TTLL5: variants seen among roughly 807,000 people sequenced by gnomAD.
The protein encoded by TTLL5 is tubulin polyglutamylase TTLL5.
Under a neutral mutation model 168.4 loss-of-function variants are expected in TTLL5, and 132 were observed. That is an observed-to-expected ratio of 0.78 (90% CI 0.68 to 0.91). TTLL5 has a LOEUF of 0.91. TTLL5 is among the 40% of genes least tolerant of loss of function. TTLL5 has a pLI of 0.00. For synonymous variants in TTLL5, 546 were observed against 558.6 expected (o/e 0.98, Z 0.32); for missense variants, 1,545 against 1,581.5 (o/e 0.98, Z 0.39).
Position 75,892,274 on chromosome 14 carries a change from A to G in TTLL5, c.3740+9372A>G, listed in dbSNP as rs2032439105. The stretch of plus-strand genomic sequence containing the variant: ...GATGAACATTTAAAGAAGAAAACCT[A>G]CGGGACTTAGCTGTGCTTCAAAACA... On this transcript the variant is annotated intron_variant, in intron 30 of 31. Transcript: ENST00000298832. Among the ~76,000 whole-genome samples the G allele has an allele frequency of 2.6e-5, 4 of 152,224 alleles. No individual in the cohort carries two copies. The South Asian group carries it at 8.3e-4, about 32-fold the overall frequency.
chr14:75,730,840 C>G (rs1888485731), intron 12 of TTLL5, among the ~76,000 whole-genome samples: 1 of 152,056 alleles, frequency 6.6e-6, no homozygotes, highest in Non-Finnish European at 1.5e-5. Flanking sequence ...CTGCCTCAGC[C>G]TCCTGAGTAG....
intron 2 of TTLL5, among the ~76,000 whole-genome samples, chr14:75,668,822 T>C (rs1312714955): frequency 6.6e-6 from 1 of 152,226 alleles, no homozygotes; most frequent in African/African-American, 2.4e-5. Context: ...TAGGATTCTT[T>C]ATGTGTGCAA....
chr14:75,733,248 A>G (rs1409799138), intron 13 of TTLL5, among the ~76,000 whole-genome samples: 3 of 152,188 alleles, frequency 2.0e-5, no homozygotes, highest in Admixed American at 1.3e-4. Context: ...CCAGTAAAGT[A>G]TATTATACTA....
At chr14:75,799,439 G>A (rs1893164796) in intron 27 of TTLL5, among the ~76,000 whole-genome samples, 1 of 152,124 alleles carries the variant, frequency 6.6e-6, no homozygotes, top group Non-Finnish European at 1.5e-5. Context: ...TATCTTTTAA[G>A]GGGAACATTT....
At chr14:75,720,551 T>C (rs1887775429) in intron 11 of TTLL5, 45 bp from the exon 12 acceptor site, 2 of 1,303,680 alleles carry the variant, frequency 1.5e-6, no homozygotes, top group East Asian at 2.3e-5. Flanking sequence ...TCATAATCCA[T>C]GTATTTTGAT....
At chr14:75,857,416 G>GATAT (rs906308810) in intron 28 of TTLL5, among the ~76,000 whole-genome samples, 6 of 150,876 alleles carry the variant, frequency 4.0e-5, no homozygotes, top group African/African-American at 1.2e-4. Context: ...TAGATAGATA[G>GATAT]ATTTTATTAG....
chr14:75,704,559 C>T (rs1243864044), intron 7 of TTLL5, among the ~76,000 whole-genome samples: 1 of 152,146 alleles, frequency 6.6e-6, no homozygotes, highest in Non-Finnish European at 1.5e-5. Flanking sequence ...GATGTGTTTC[C>T]AACTTTCCCA....
At chr14:75,884,756 C>T (rs982828128) in intron 30 of TTLL5, among the ~76,000 whole-genome samples, 16 of 151,970 alleles carry the variant, frequency 1.1e-4, no homozygotes, top group Non-Finnish European at 7.4e-5. Context: ...AAATGTACAG[C>T]GTTTTGGGGA....
chr14:75,925,105 C>A (rs1401926278), intron 31 of TTLL5, among the ~76,000 whole-genome samples: 2 of 148,214 alleles, frequency 1.3e-5, no homozygotes, highest in Admixed American at 1.3e-4. Context: ...CCCCAACCTC[C>A]CTCCCGGACG....
intron 27 of TTLL5, among the ~76,000 whole-genome samples, chr14:75,803,931 G>T (rs1160962912): frequency 6.6e-6 from 1 of 152,212 alleles, no homozygotes; most frequent in Non-Finnish European, 1.5e-5. Flanking sequence ...GTGCAGGCAA[G>T]CCTGAGACTG....
At chr14:75,721,884 A>G (rs1307997619) in intron 12 of TTLL5, among the ~76,000 whole-genome samples, 3 of 152,238 alleles carry the variant, frequency 2.0e-5, no homozygotes. Flanking sequence ...TGAATAGAAG[A>G]TGGTAGATAA....
intron 5 of TTLL5, among the ~76,000 whole-genome samples, chr14:75,687,288 T>G (rs1232608897): frequency 6.6e-6 from 1 of 151,858 alleles, no homozygotes; most frequent in African/African-American, 2.4e-5. Context: ...TTGGTTTTTT[T>G]GTGGGGGGAC....
intron 5 of TTLL5, 99 bp from the exon 6 acceptor site, chr14:75,690,093 C>A: frequency 7.8e-7 from 1 of 1,290,026 alleles, no homozygotes; most frequent in East Asian, 2.4e-5. Flanking sequence ...TCTTCACTAA[C>A]CGGTCTAGGA....
intron 17 of TTLL5, 40 bp downstream of exon 17, chr14:75,745,621 T>C: frequency 6.5e-7 from 1 of 1,533,868 alleles, no homozygotes; most frequent in Non-Finnish European, 9.0e-7. Flanking sequence ...TTACCTGAGG[T>C]CCATAGAATT....
At chr14:75,903,901 A>T (rs8015074) in intron 31 of TTLL5, among the ~76,000 whole-genome samples, 16,982 of 128,020 alleles carry the variant, frequency 0.13, 1,015 homozygotes, top group African/African-American at 0.22. Context: ...CCTCTAATTT[A>T]AAAAAAAAAA....
At chr14:75,901,369 C>G (rs1372857330) in intron 30 of TTLL5, among the ~76,000 whole-genome samples, 1 of 152,090 alleles carries the variant, frequency 6.6e-6, no homozygotes, top group Admixed American at 6.6e-5. Context: ...GGAGGCTTGA[C>G]TTGGGCTGTA....
At chr14:75,806,218 A>G (rs1893645669) in intron 27 of TTLL5, among the ~76,000 whole-genome samples, 1 of 151,960 alleles carries the variant, frequency 6.6e-6, no homozygotes, top group South Asian at 2.1e-4. Flanking sequence ...TTTAGTAGAG[A>G]TGGGGTTTCA....
At chr14:75,882,544 T>C in intron 29 of TTLL5, 141 bp from the exon 30 acceptor site, 1 of 676,922 alleles carries the variant, frequency 1.5e-6, no homozygotes. Context: ...CTGGCAACAT[T>C]AGAGAAGTTT....
At chr14:75,753,014 T>A in intron 18 of TTLL5, 59 bp downstream of exon 18, 2 of 1,519,372 alleles carry the variant, frequency 1.3e-6, no homozygotes, top group Non-Finnish European at 1.8e-6. Context: ...AGAAAGTACA[T>A]GTCAAAGAAG....
Sources: allele counts gnomAD v4.1 joint callset (sites outside exome capture counted in the v4.1 genomes callset), GRCh38; gene constraint gnomAD v4.1.1; transcripts MANE v1.5; gene names NCBI Gene and HGNC (gene_info 2026-07-23, HGNC 2026-07-21).